Variants in UTRN observed in about 807,000 individuals in gnomAD.
The protein encoded by UTRN is dystrophin-related protein 1.
A neutral mutation model predicts 463.9 loss-of-function variants in UTRN; 283 were observed. That is an observed-to-expected ratio of 0.61 (90% CI 0.55 to 0.67). The LOEUF is 0.67. UTRN is among the 30% of genes least tolerant of loss of function. The pLI, the probability that UTRN is intolerant of heterozygous loss-of-function variation, is 0.00. For missense variants in UTRN, 3,922 were observed against 4,084.3 expected (o/e 0.96, Z 1.08); for synonymous variants, 1,442 against 1,431.5 (o/e 1.01, Z -0.17).
At chr6:144,528,493 G>A (rs1796757080) in intron 41 of UTRN, among the ~76,000 whole-genome samples, 1 of 152,210 alleles carries the variant, frequency 6.6e-6, no homozygotes, top group Non-Finnish European at 1.5e-5. Context: ...ATGCTTCCTT[G>A]ATGTAGTGCT....
At position 144,516,844 on chromosome 6, in the gene UTRN, C is replaced by T; in HGVS notation, c.5437C>T (p.Leu1813=). The T allele has an allele frequency of 6.7e-7, 1 of 1,501,898 alleles. No individual in the cohort carries two copies. Among genetic ancestry groups the T allele is most frequent in the South Asian group, 1.4e-5 (1 of 71,884 alleles). The allele number at this position is 1,501,898 out of a possible 1,614,324, so 93.0% of individuals were successfully genotyped here. ...DEESAQIEEV[L]QRGEEMLHQP... is the part of the protein sequence containing the mutation. ...GGAGAGTGCCCAGATTGAGGAAGTTCTACAAAGAGGAGAAGAAATGTTACA... is the reference window on the plus strand; with the variant it reads ...GGAGAGTGCCCAGATTGAGGAAGTTTTACAAAGAGGAGAAGAAATGTTACA... The change falls in exon 39 of 75, where the codon CTA becomes TTA. Residue 1813 remains leucine, a synonymous_variant. Coordinates refer to ENST00000367545, the MANE Select transcript of UTRN (RefSeq NM_007124.3).
At chr6:144,681,514 G>A (rs9376838) in intron 52 of UTRN, among the ~76,000 whole-genome samples, 18,574 of 152,006 alleles carry the variant, frequency 0.12, 1,624 homozygotes, top group East Asian at 0.51. Flanking sequence ...GATCAGGCCT[G>A]CAGAGTCCAG....
chr6:144,827,253 T>C, intron 66 of UTRN, 95 bp from the exon 67 acceptor site: 1 of 1,439,470 alleles, frequency 6.9e-7, no homozygotes. Context: ...GAGCGGAAGA[T>C]AATTGAGAAT....
chr6:144,667,074 A>G (rs1042624712), intron 51 of UTRN, among the ~76,000 whole-genome samples: 1 of 151,838 alleles, frequency 6.6e-6, no homozygotes, highest in Non-Finnish European at 1.5e-5. Context: ...TTCTTCTTTT[A>G]GAAGAAATCC....
intron 51 of UTRN, among the ~76,000 whole-genome samples, chr6:144,620,901 T>C (rs1332367713): frequency 6.6e-6 from 1 of 152,140 alleles, no homozygotes; most frequent in African/African-American, 2.4e-5. Flanking sequence ...TCCCATTCTT[T>C]TTGTCCACAG....
chr6:144,689,382 T>C lies in UTRN; in HGVS notation c.7653-10705T>C, dbSNP rs571596474. Among the ~76,000 whole-genome samples, 4 of 152,304 alleles carry C rather than the reference T, an allele frequency of 2.6e-5. No individual in the cohort carries two copies. The South Asian group carries it at 8.3e-4, about 32-fold the overall frequency. ...AGACTTTCTCCACTGAGCCCAGCATTACACCCATGCCTCTGCTGAAAGAAA... is the reference window on the plus strand; with the variant it reads ...AGACTTTCTCCACTGAGCCCAGCATCACACCCATGCCTCTGCTGAAAGAAA... On this transcript the variant is annotated intron_variant, in intron 52 of 74. Transcript: ENST00000367545.
chr6:144,291,882 C>T lies in UTRN; in HGVS notation c.54C>T (p.Phe18=), dbSNP rs753798609. 3.8e-5 allele frequency: 62 copies of T among 1,612,900 alleles called. No individual in the cohort carries two copies. The highest frequency in any genetic ancestry group is 5.3e-5 in the Non-Finnish European group (62 of 1,179,482). ...EASPDNGQNE[F]SDIIKSRSDE... is the part of the protein sequence containing the mutation. Reference sequence around the variant, plus strand: ...GTCCTGACAATGGGCAGAACGAATTCAGTGATATCATTAAGTCCAGATCTG... The same window carrying T: ...GTCCTGACAATGGGCAGAACGAATTTAGTGATATCATTAAGTCCAGATCTG... Residue 18 remains phenylalanine (F), a synonymous_variant, in exon 2 of 75, where the codon TTC becomes TTT. Coordinates refer to ENST00000367545, the MANE Select transcript of UTRN (RefSeq NM_007124.3).
intron 8 of UTRN, among the ~76,000 whole-genome samples, 169 bp from the exon 9 acceptor site, chr6:144,429,412 T>C (rs1426543817): frequency 6.6e-6 from 1 of 152,186 alleles, no homozygotes; most frequent in African/African-American, 2.4e-5. Flanking sequence ...AGTAATCCCT[T>C]TTGCCTTTGT....
In UTRN at chr6:144,651,206, G is replaced by A. The variant is rs1401163703; in HGVS notation, c.7480-27200G>A. ...TTTTTGATATATATGAAAACTAGTGGAACCCTCACCTCTGAAAAAGTCAAT... is the reference window on the plus strand; with the variant it reads ...TTTTTGATATATATGAAAACTAGTGAAACCCTCACCTCTGAAAAAGTCAAT... On this transcript the variant is annotated intron_variant, in intron 51 of 74. Coordinates refer to ENST00000367545, the MANE Select transcript of UTRN (RefSeq NM_007124.3). 2.6e-5 allele frequency among the ~76,000 whole-genome samples: 4 copies of A among 151,774 alleles called. No individual in the cohort carries two copies. The East Asian group carries it at 7.7e-4, about 29-fold the overall frequency.
Position 144,536,705 on chromosome 6 carries a change from C to A in UTRN, c.6234-877C>A, listed in dbSNP as rs149448171. ...ATACAATTTATTTAAAAATTGCATT[C>A]AGTTTTTAAACCAGCAGTTAATTAT... is the stretch of plus-strand genomic sequence containing the variant. On this transcript the variant is annotated intron_variant, in intron 43 of 74. Coordinates refer to ENST00000367545, the MANE Select transcript of UTRN (RefSeq NM_007124.3). 2.6e-5 allele frequency among the ~76,000 whole-genome samples: 4 copies of A among 152,096 alleles called. No homozygotes were observed. The East Asian group carries it at 7.7e-4, about 29-fold the overall frequency.
rs1457375648 is a variant in UTRN, at chr6:144,797,901, C to T, written c.9156C>T (p.Leu3052=). 6.2e-7 allele frequency: 1 copy of T among 1,614,116 alleles called. No individual in the cohort carries two copies. Among genetic ancestry groups the T allele is most frequent in the South Asian group, 1.1e-5 (1 of 91,076 alleles). Residue 3052 remains leucine (L), a synonymous_variant, in exon 64 of 75, where the codon CTC becomes CTT. Transcript: ENST00000367545. ...TGGAACCACAGTCCATGGTTTGGCT[C>T]CCAGTTTTACATCGAGTGGCAGCAG... ...MHLEPQSMVW[L]PVLHRVAAAE...
chr6:144,642,384 CT>C (rs1009384285), intron 51 of UTRN, among the ~76,000 whole-genome samples: 1 of 152,232 alleles, frequency 6.6e-6, no homozygotes, highest in Middle Eastern at 3.4e-3. Flanking sequence ...TTAATATCTT[CT>C]TTTTTTGTGT....
chr6:144,752,839 G>A (rs548169237), intron 56 of UTRN, among the ~76,000 whole-genome samples: 2 of 151,806 alleles, frequency 1.3e-5, no homozygotes, highest in Admixed American at 6.6e-5. Context: ...CACCATTTCC[G>A]AAGATTAGAA....
At chr6:144,390,219 C>T (rs1356981016) in intron 2 of UTRN, among the ~76,000 whole-genome samples, 1 of 152,006 alleles carries the variant, frequency 6.6e-6, no homozygotes, top group Non-Finnish European at 1.5e-5. Flanking sequence ...ATGATCATGC[C>T]CATCCACCTC....
intron 23 of UTRN, among the ~76,000 whole-genome samples, chr6:144,464,937 C>T (rs964153533): frequency 1.3e-5 from 2 of 152,166 alleles, no homozygotes; most frequent in Non-Finnish European, 2.9e-5. Flanking sequence ...ATCAGTGATT[C>T]TCAACCGGGG....
chr6:144,414,049 C>T (rs1784154389), intron 3 of UTRN, among the ~76,000 whole-genome samples: 1 of 152,006 alleles, frequency 6.6e-6, no homozygotes, highest in South Asian at 2.1e-4. Flanking sequence ...GATCTGCCCG[C>T]CTTGGCCTCC....
At chr6:144,544,251 C>T (rs1798214123) in intron 46 of UTRN, among the ~76,000 whole-genome samples, 1 of 152,100 alleles carries the variant, frequency 6.6e-6, no homozygotes, top group African/African-American at 2.4e-5. Context: ...TCAGTTCCTT[C>T]TTTTTAACAT....
At chr6:144,400,228 T>C (rs567060757) in intron 2 of UTRN, among the ~76,000 whole-genome samples, 19 of 152,320 alleles carry the variant, frequency 1.2e-4, no homozygotes, top group African/African-American at 4.3e-4. Flanking sequence ...ATTCATTCAC[T>C]TAATATTATA....
At chr6:144,377,890 T>G (rs1415612180) in intron 2 of UTRN, among the ~76,000 whole-genome samples, 2 of 152,230 alleles carry the variant, frequency 1.3e-5, no homozygotes, top group Non-Finnish European at 2.9e-5. Context: ...ATCAACCCTG[T>G]TTTTATAAAA....
Sources: gnomAD v4.1 joint callset for allele counts (sites outside exome capture counted in the v4.1 genomes callset) on GRCh38, gnomAD v4.1.1 for gene constraint, MANE v1.5 for transcripts, NCBI Gene and HGNC (gene_info 2026-07-23, HGNC 2026-07-21) for gene names.